MDGA2: variants seen among roughly 807,000 people sequenced by gnomAD.
MDGA2 encodes MAM domain containing glycosylphosphatidylinositol anchor 2, also known as MAM domain-containing glycosylphosphatidylinositol anchor protein 2.
A neutral mutation model predicts 117.8 loss-of-function variants in MDGA2; 40 were observed. The observed-to-expected ratio is 0.34, with a 90% CI of 0.26 to 0.44. MDGA2 has a LOEUF of 0.44. MDGA2 is among the 20% of genes least tolerant of loss of function. MDGA2 has a pLI of 1.00. For synonymous variants in MDGA2, 452 were observed against 439.0 expected, an observed-to-expected ratio of 1.03 and a Z score of -0.37; for missense variants, 1,123 against 1,250.6, an observed-to-expected ratio of 0.90 and a Z score of 1.54.
At chr14:47,375,161 C>T (rs2138402398) in intron 1 of MDGA2, among the ~76,000 whole-genome samples, 1 of 150,110 alleles carries the variant, frequency 6.7e-6, no homozygotes. Context: ...TTCAACTAGT[C>T]ATCATTAATA....
At chr14:47,229,169 G>A (rs962645459) in intron 2 of MDGA2, among the ~76,000 whole-genome samples, 3 of 152,074 alleles carry the variant, frequency 2.0e-5, no homozygotes, top group Non-Finnish European at 4.4e-5. Flanking sequence ...CACATATATA[G>A]TATACCGCAT....
chr14:47,176,591 T>C (rs1884460748), intron 3 of MDGA2, among the ~76,000 whole-genome samples: 1 of 152,232 alleles, frequency 6.6e-6, no homozygotes, highest in Non-Finnish European at 1.5e-5. Flanking sequence ...GAAAACTGAC[T>C]GGCCATATGT....
chr14:47,187,936 T>TGC (rs1884971150), intron 3 of MDGA2, among the ~76,000 whole-genome samples: 1 of 152,080 alleles, frequency 6.6e-6, no homozygotes, highest in Non-Finnish European at 1.5e-5. Flanking sequence ...TGTGTGTGTG[T>TGC]GTGTCTTATT....
At chr14:47,021,431 G>A (rs1328564160) in intron 8 of MDGA2, among the ~76,000 whole-genome samples, 1 of 152,098 alleles carries the variant, frequency 6.6e-6, no homozygotes, top group Non-Finnish European at 1.5e-5. Context: ...AGCAAGAATT[G>A]CTTTTAATAA....
chr14:47,661,884 C>T (rs375580149), intron 1 of MDGA2, among the ~76,000 whole-genome samples: 3 of 151,334 alleles, frequency 2.0e-5, no homozygotes, highest in Admixed American at 6.6e-5. Context: ...TACAGGCACC[C>T]GCCACTACGC....
intron 1 of MDGA2, among the ~76,000 whole-genome samples, chr14:47,405,644 T>C (rs563194406): frequency 2.6e-5 from 4 of 152,330 alleles, no homozygotes; most frequent in African/African-American, 9.6e-5. Flanking sequence ...TCTTGAATTA[T>C]GAAATGCAAA....
chr14:47,322,955 G>A (rs1427613960), intron 1 of MDGA2, among the ~76,000 whole-genome samples: 1 of 151,670 alleles, frequency 6.6e-6, no homozygotes, highest in East Asian at 1.9e-4. Context: ...CCTTTGGACA[G>A]CTGCATGGTA....
At chr14:47,586,128 C>T (rs1035598847) in intron 1 of MDGA2, among the ~76,000 whole-genome samples, 3 of 152,006 alleles carry the variant, frequency 2.0e-5, no homozygotes, top group Admixed American at 6.6e-5. Flanking sequence ...CCATTTCCCA[C>T]TTGGTCTTAG....
chr14:47,259,850 G>C (rs1887737898), intron 2 of MDGA2, among the ~76,000 whole-genome samples: 1 of 152,048 alleles, frequency 6.6e-6, no homozygotes, highest in Non-Finnish European at 1.5e-5. Flanking sequence ...AAGAGGGCTA[G>C]TTGAAGAAAT....
intron 1 of MDGA2, among the ~76,000 whole-genome samples, chr14:47,589,331 A>G (rs1002482393): frequency 2.6e-5 from 4 of 152,014 alleles, no homozygotes; most frequent in Admixed American, 1.3e-4. Context: ...ATTTAGGTCT[A>G]TAATTCATTT....
chr14:47,372,766 C>A (rs1052781032), intron 1 of MDGA2, among the ~76,000 whole-genome samples: 1 of 151,812 alleles, frequency 6.6e-6, no homozygotes, highest in African/African-American at 2.4e-5. Context: ...AAATGATTAT[C>A]GTAGCTTTGT....
intron 1 of MDGA2, among the ~76,000 whole-genome samples, chr14:47,337,339 C>A (rs888813318): frequency 6.6e-6 from 1 of 151,982 alleles, no homozygotes; most frequent in Non-Finnish European, 1.5e-5. Flanking sequence ...ACTGACAGAT[C>A]AAAAGCCTAA....
At chr14:47,633,717 T>G (rs1897277194) in intron 1 of MDGA2, among the ~76,000 whole-genome samples, 1 of 152,202 alleles carries the variant, frequency 6.6e-6, no homozygotes. Context: ...GTTGCAGAAT[T>G]CTACTGATGC....
chr14:47,667,550 C>A (rs191738458), intron 1 of MDGA2, among the ~76,000 whole-genome samples: 19 of 152,312 alleles, frequency 1.2e-4, no homozygotes, highest in African/African-American at 4.3e-4. Flanking sequence ...TCTTTTTCAT[C>A]CTGATGCACT....
At chr14:47,468,944 T>C (rs1294254310) in intron 1 of MDGA2, among the ~76,000 whole-genome samples, 1 of 152,092 alleles carries the variant, frequency 6.6e-6, no homozygotes, top group Non-Finnish European at 1.5e-5. Context: ...AAAAATATTT[T>C]TTCAGGTTTT....
At chr14:47,047,662 T>C (rs1889311242) in intron 7 of MDGA2, among the ~76,000 whole-genome samples, 1 of 152,126 alleles carries the variant, frequency 6.6e-6, no homozygotes, top group Admixed American at 6.6e-5. Flanking sequence ...GTTATTACTA[T>C]GTTTTCTTAT....
chr14:47,225,241 G>T (rs1199177825), intron 2 of MDGA2, among the ~76,000 whole-genome samples: 2 of 152,012 alleles, frequency 1.3e-5, no homozygotes, highest in African/African-American at 4.8e-5. Context: ...AACCATTGTG[G>T]AAGTCAGTGT....
At chr14:47,021,313 C>T (rs550468119) in intron 8 of MDGA2, among the ~76,000 whole-genome samples, 1 of 152,192 alleles carries the variant, frequency 6.6e-6, no homozygotes, top group Non-Finnish European at 1.5e-5. Context: ...CAGAAGCTAA[C>T]CACAAAACAA....
intron 8 of MDGA2, among the ~76,000 whole-genome samples, chr14:46,967,729 A>G (rs1391584072): frequency 6.6e-6 from 1 of 152,216 alleles, no homozygotes; most frequent in Non-Finnish European, 1.5e-5. Context: ...CAGAACTTGC[A>G]GATAGTACTG....
Sources: gnomAD v4.1 joint callset for allele counts (sites outside exome capture counted in the v4.1 genomes callset) on GRCh38, gnomAD v4.1.1 for gene constraint, MANE v1.5 for transcripts, NCBI Gene and HGNC (gene_info 2026-07-23, HGNC 2026-07-21) for gene names.